Variants in CDHR2 observed in about 807,000 individuals in gnomAD.
The protein encoded by CDHR2 is cadherin-related family member 2.
Under a neutral mutation model 138.6 loss-of-function variants are expected in CDHR2, and 104 were observed. That is an observed-to-expected ratio of 0.75 (90% CI 0.64 to 0.88). The LOEUF (loss-of-function observed/expected upper bound fraction) is 0.88. CDHR2 is among the 40% of genes least tolerant of loss of function. CDHR2 has a pLI of 0.00. For missense variants in CDHR2, 1,624 were observed against 1,727.6 expected (o/e 0.94, Z 1.06); for synonymous variants, 755 against 742.8 (o/e 1.02, Z -0.27).
chr5:176,589,286 C>T (rs372103081), intron 22 of CDHR2, 44 bp from the exon 23 acceptor site: 2 of 1,571,008 alleles, frequency 1.3e-6, no homozygotes, highest in South Asian at 1.2e-5. Flanking sequence ...CCTGAGGATT[C>T]AGCTTGGGTT....
upstream of CDHR2, among the ~76,000 whole-genome samples, chr5:176,548,278 G>T (rs1429635617): frequency 2.0e-5 from 3 of 152,182 alleles, no homozygotes; most frequent in Non-Finnish European, 1.5e-5. Flanking sequence ...CATGTCCTCT[G>T]CCCACAAGAA....
At chr5:176,591,753 G>A (rs2113333682) in intron 30 of CDHR2, 1 of 176,512 alleles carries the variant, frequency 5.7e-6, no homozygotes, top group Non-Finnish European at 1.3e-5. Context: ...TGATGGTGGT[G>A]ATGATGGTGA....
chr5:176,589,002 C>A (rs527250750), intron 21 of CDHR2, 29 bp from the exon 22 acceptor site: 1 of 1,610,632 alleles, frequency 6.2e-7, no homozygotes, highest in African/African-American at 1.3e-5. Context: ...CTGGCTGGGC[C>A]CCCAGATATT....
chr5:176,549,123 G>A (rs1757648698), upstream of CDHR2, among the ~76,000 whole-genome samples: 1 of 152,166 alleles, frequency 6.6e-6, no homozygotes, highest in Non-Finnish European at 1.5e-5. Flanking sequence ...TCTGGGCTCA[G>A]GGTCGGCCAG....
At chr5:176,567,121 G>A (rs919469682) in intron 3 of CDHR2, 20 of 431,492 alleles carry the variant, frequency 4.6e-5, no homozygotes, top group Non-Finnish European at 8.9e-5. Context: ...AAAGGCAAGT[G>A]CTATTCTCAT....
At position 176,584,819 on chromosome 5, in the gene CDHR2, T is replaced by C; in HGVS notation, c.2538T>C (p.Leu846=). Residue 846 remains leucine (L), a synonymous_variant, in exon 19 of 32, where the codon CTT becomes CTC. Transcript: ENST00000261944. ...CCAGTGCCCAGCTGGAGATACAGCTTGTGAACATTCTCTGCACCAAGGCCG... is the reference window on the plus strand; with the variant it reads ...CCAGTGCCCAGCTGGAGATACAGCTCGTGAACATTCTCTGCACCAAGGCCG... ...VDTSAQLEIQ[L]VNILCTKAGV... is the part of the protein sequence containing the mutation. 1 of 1,614,136 alleles carries C rather than the reference T, an allele frequency of 6.2e-7. No individual in the cohort carries two copies. Among genetic ancestry groups the C allele is most frequent in the Non-Finnish European group, 8.5e-7 (1 of 1,180,014 alleles).
chr5:176,564,820 C>G (rs1329000441), intron 1 of CDHR2, among the ~76,000 whole-genome samples: 1 of 152,046 alleles, frequency 6.6e-6, no homozygotes, highest in Non-Finnish European at 1.5e-5. Flanking sequence ...CCTGCCCACC[C>G]ATAGTCTCTG....
At chr5:176,558,393 T>C (rs1757890652) in intron 1 of CDHR2, among the ~76,000 whole-genome samples, 1 of 150,768 alleles carries the variant, frequency 6.6e-6, no homozygotes, top group South Asian at 2.1e-4. Context: ...TTTTTTTTTT[T>C]TTTTTTTGAG....
At position 176,553,362 on chromosome 5, in the gene CDHR2, C is replaced by A. The variant is rs1258944625; in HGVS notation, c.-16+3948C>A. Among the ~76,000 whole-genome samples the A allele has an allele frequency of 6.6e-6, 1 of 152,168 alleles. No homozygotes were observed. The highest frequency in any genetic ancestry group is 6.5e-5 in the Admixed American group (1 of 15,278). On this transcript the variant is annotated intron_variant, in intron 1 of 31. Coordinates refer to ENST00000261944, the MANE Select transcript of CDHR2 (RefSeq NM_017675.6). This position sits in a 1 kb window ranked among gnomAD's most constrained non-coding sequence, Gnocchi z 4.3. ...AATGGTAATGGGGGCAAAGTGCTAG[C>A]CTCGGTACACGGCCCTTCCTTGCCA...
At chr5:176,574,698 A>G (rs1406001080) in intron 7 of CDHR2, among the ~76,000 whole-genome samples, 1 of 152,230 alleles carries the variant, frequency 6.6e-6, no homozygotes, top group Non-Finnish European at 1.5e-5. Flanking sequence ...AATGCAATGC[A>G]AATACTATGT....
Position 176,591,251 on chromosome 5 carries a change from C to T in CDHR2, c.3581C>T (p.Ala1194Val). The T allele has an allele frequency of 1.2e-6, 2 of 1,613,958 alleles. No individual in the cohort carries two copies. The highest frequency in any genetic ancestry group is 1.3e-5 in the African/African-American group (1 of 75,052). The change falls in exon 29 of 32, where the codon GCC (alanine) becomes GTC (valine). Residue 1194 changes from alanine (A) to valine (V), a missense_variant. This residue lies in a region of CDHR2 where 556 missense variants were observed against 565.7 expected (regional missense o/e 0.98). Coordinates refer to ENST00000261944, the MANE Select transcript of CDHR2 (RefSeq NM_017675.6). The stretch of plus-strand genomic sequence containing the variant: ...CAAGCTATGAAGGCTGCCAAGGAGG[C>T]CAGGAAGACAGCAGCAGGGGTGATG... ...KLQAMKAAKE[A>V]RKTAAGVMPS...
intron 17 of CDHR2, 59 bp downstream of exon 17, chr5:176,581,641 T>C: frequency 6.3e-7 from 1 of 1,591,184 alleles, no homozygotes; most frequent in Non-Finnish European, 8.6e-7. Flanking sequence ...AGCCAGCCCC[T>C]CCAGCTTGAG....
intron 16 of CDHR2, 124 bp from the exon 17 acceptor site, chr5:176,581,219 A>T: frequency 7.7e-7 from 1 of 1,291,752 alleles, no homozygotes; most frequent in Non-Finnish European, 1.1e-6. Context: ...AGATGGGCCC[A>T]GGGGCTCCAG....
intron 3 of CDHR2, among the ~76,000 whole-genome samples, chr5:176,566,605 C>T (rs1758088761): frequency 2.0e-5 from 3 of 152,308 alleles, no homozygotes; most frequent in Admixed American, 2.0e-4. Context: ...CTTGAGGGGG[C>T]GGGGGTCACG....
intron 3 of CDHR2, among the ~76,000 whole-genome samples, chr5:176,566,399 A>AG (rs1307275557): frequency 6.6e-6 from 1 of 152,250 alleles, no homozygotes; most frequent in Non-Finnish European, 1.5e-5. Flanking sequence ...GGAAGGAGCC[A>AG]GGGGGCCTAG....
intron 3 of CDHR2, among the ~76,000 whole-genome samples, chr5:176,567,990 T>C (rs950540678): frequency 6.6e-6 from 1 of 152,198 alleles, no homozygotes; most frequent in African/African-American, 2.4e-5. Flanking sequence ...GGACGTAGGC[T>C]CCCATGCCAG....
intron 30 of CDHR2, among the ~76,000 whole-genome samples, chr5:176,592,108 ATGGTGATGGTAGTGAT>A (rs1758879077): frequency 9.2e-6 from 1 of 109,162 alleles, no homozygotes; most frequent in Non-Finnish European, 2.0e-5. Flanking sequence ...GGTGGTGGTG[ATGGTGATGGTAGTGAT>A]GGTGATGGTG....
At position 176,592,729 on chromosome 5, in the gene CDHR2, C is replaced by T. The variant is rs1758920586; in HGVS notation, c.3741C>T (p.Asn1247=). Residue 1247 remains asparagine, a synonymous_variant, in exon 31 of 32, where the codon AAC becomes AAT. Coordinates refer to ENST00000261944, the MANE Select transcript of CDHR2 (RefSeq NM_017675.6). ...TCCATCACCTCTCTTACAGCGTCAA[C>T]TCCCTGGACGACAACTCTGTGGATG... ...PSNDLDSVSV[N]SLDDNSVDVD... 1.2e-6 allele frequency: 2 copies of T among 1,613,616 alleles called. No individual in the cohort carries two copies. Among genetic ancestry groups the T allele is most frequent in the Non-Finnish European group, 1.7e-6 (2 of 1,179,806 alleles).
chr5:176,578,446 C>G lies in CDHR2; in HGVS notation c.1656C>G (p.Ala552=), dbSNP rs150379281. ...NGELLDRESQ[A]VYYLTLQATD... ...AGCTGCTGGACCGGGAGAGCCAGGC[C>G]GTGTACTACCTGACGCTGCAGGCCA... The change falls in exon 16 of 32, where the codon GCC becomes GCG. Residue 552 remains alanine, a synonymous_variant. Transcript: ENST00000261944. 6.2e-7 allele frequency: 1 copy of G among 1,613,784 alleles called. No individual in the cohort carries two copies. The highest frequency in any genetic ancestry group is 8.5e-7 in the Non-Finnish European group (1 of 1,179,862).
Sources: allele counts gnomAD v4.1 joint callset (sites outside exome capture counted in the v4.1 genomes callset), GRCh38; gene constraint gnomAD v4.1.1; regional missense constraint gnomAD v4.1.1; non-coding constraint Gnocchi (gnomAD v3.1); transcripts MANE v1.5; gene names NCBI Gene and HGNC (gene_info 2026-07-23, HGNC 2026-07-21).